The following PTPRN2 variants were observed in gnomAD, a reference collection of about 807,000 sequenced individuals.
PTPRN2 encodes the protein protein tyrosine phosphatase receptor type N2, also known as receptor-type tyrosine-protein phosphatase N2.
Under a neutral mutation model 118.8 loss-of-function variants are expected in PTPRN2, and 74 were observed. The ratio of observed to expected loss-of-function variants is 0.62; its 90% CI spans 0.52 to 0.76. The LOEUF (loss-of-function observed/expected upper bound fraction) is 0.76. Ranked by LOEUF, PTPRN2 falls within the 30% of genes least tolerant of loss-of-function variation. PTPRN2 has a pLI of 0.00. For synonymous variants in PTPRN2, 641 were observed against 608.0 expected (o/e 1.05, Z -0.80); for missense variants, 1,481 against 1,394.4 (o/e 1.06, Z -0.99).
At chr7:158,276,691 C>G in intron 3 of PTPRN2, among the ~76,000 whole-genome samples, 1 of 152,250 alleles carries the variant, frequency 6.6e-6, no homozygotes, top group East Asian at 1.9e-4. Context: ...CCACACAGCA[C>G]TGTGCCAGGG....
intron 2 of PTPRN2, among the ~76,000 whole-genome samples, chr7:158,415,157 G>C (rs1814551885): frequency 6.6e-6 from 1 of 152,124 alleles, no homozygotes; most frequent in African/African-American, 2.4e-5. Context: ...CCTACCAAGA[G>C]GCCAGAAACC....
Position 157,591,643 on chromosome 7 carries a change from T to C in PTPRN2, c.2496+3595A>G, listed in dbSNP as rs1800992363. Reference sequence around the variant, plus strand: ...GGGCAAAGAGAACCCTAACTTTGAATTTTTAAGAATGTCAATCTTGGGGCT... The same window carrying C: ...GGGCAAAGAGAACCCTAACTTTGAACTTTTAAGAATGTCAATCTTGGGGCT... On this transcript the variant is annotated intron_variant, in intron 17 of 22. Coordinates refer to ENST00000389418, the MANE Select transcript of PTPRN2 (RefSeq NM_002847.5). The surrounding 1 kb of genome is among the most constrained non-coding windows in gnomAD (Gnocchi z 4.4). 6.6e-6 allele frequency among the ~76,000 whole-genome samples: 1 copy of C among 152,270 alleles called. No individual in the cohort carries two copies. The highest frequency in any genetic ancestry group is 1.5e-5 in the Non-Finnish European group (1 of 68,044).
At chr7:158,206,139 G>T (rs1210224494) in intron 3 of PTPRN2, among the ~76,000 whole-genome samples, 1 of 152,138 alleles carries the variant, frequency 6.6e-6, no homozygotes, top group Non-Finnish European at 1.5e-5. Context: ...TCAACCCTAG[G>T]CAGCACAGCT....
chr7:158,149,571 G>A (rs1485819125), intron 6 of PTPRN2, among the ~76,000 whole-genome samples: 1 of 152,146 alleles, frequency 6.6e-6, no homozygotes, highest in Admixed American at 6.5e-5. Flanking sequence ...TGGGGTCCGA[G>A]GTGGGTGGAT....
At chr7:157,567,438 C>T (rs1200573571) in intron 21 of PTPRN2, among the ~76,000 whole-genome samples, 1 of 151,884 alleles carries the variant, frequency 6.6e-6, no homozygotes, top group Admixed American at 6.6e-5. Flanking sequence ...TGGGCTGCAG[C>T]CCTCCCCTCT....
chr7:158,126,710 G>A (rs886665170), intron 9 of PTPRN2, among the ~76,000 whole-genome samples: 11 of 150,704 alleles, frequency 7.3e-5, no homozygotes, highest in Non-Finnish European at 1.0e-4. Flanking sequence ...ACCAGCCCCC[G>A]GAGAGCGGGC....
At chr7:157,751,206 C>T (rs1040723759) in intron 12 of PTPRN2, among the ~76,000 whole-genome samples, 2 of 152,122 alleles carry the variant, frequency 1.3e-5, no homozygotes, top group Non-Finnish European at 2.9e-5. Flanking sequence ...GACATGCTGA[C>T]ATGTGAAGGG....
At chr7:157,930,050 C>T (rs1009809958) in intron 11 of PTPRN2, among the ~76,000 whole-genome samples, 5 of 152,158 alleles carry the variant, frequency 3.3e-5, no homozygotes, top group Non-Finnish European at 5.9e-5. Flanking sequence ...ATCATGCCAT[C>T]GTGCACACTG....
intron 11 of PTPRN2, among the ~76,000 whole-genome samples, chr7:157,939,172 C>T (rs565054767): frequency 1.2e-4 from 18 of 152,192 alleles, no homozygotes; most frequent in African/African-American, 1.7e-4. Context: ...GTTTCCAGCA[C>T]GCAAATTCTG....
intron 5 of PTPRN2, among the ~76,000 whole-genome samples, chr7:158,173,630 G>GGT (rs1293723287): frequency 6.6e-6 from 1 of 152,176 alleles, no homozygotes; most frequent in African/African-American, 2.4e-5. Flanking sequence ...TCACCAGGCT[G>GGT]GAATTTCCCA....
chr7:158,004,268 C>T (rs961099736), intron 11 of PTPRN2, among the ~76,000 whole-genome samples: 2 of 152,156 alleles, frequency 1.3e-5, no homozygotes, highest in Middle Eastern at 3.2e-3. Context: ...GAGAGGGAAC[C>T]GCCCACTTCC....
intron 2 of PTPRN2, among the ~76,000 whole-genome samples, chr7:158,455,704 C>A (rs111911569): frequency 9.1e-6 from 1 of 109,394 alleles, no homozygotes; most frequent in African/African-American, 3.6e-5. Context: ...GCAGAGAAGA[C>A]AACGGCATGG....
chr7:158,222,611 A>G (rs972747176), intron 3 of PTPRN2, among the ~76,000 whole-genome samples: 5 of 152,230 alleles, frequency 3.3e-5, no homozygotes, highest in Admixed American at 1.3e-4. Flanking sequence ...TTGAAAAGCT[A>G]TAAGGGACTA....
intron 11 of PTPRN2, among the ~76,000 whole-genome samples, chr7:157,982,566 A>T (rs1271296658): frequency 7.7e-6 from 1 of 130,298 alleles, no homozygotes; most frequent in Non-Finnish European, 1.6e-5. Flanking sequence ...GTCCCCCCAA[A>T]CCCTGAGTCA....
chr7:158,423,011 T>A (rs977216448), intron 2 of PTPRN2, among the ~76,000 whole-genome samples: 32 of 152,148 alleles, frequency 2.1e-4, no homozygotes, highest in Non-Finnish European at 1.2e-4. Flanking sequence ...GTTTCCCAGA[T>A]AGGAACCATG....
chr7:158,282,915 C>T (rs1360755495), intron 3 of PTPRN2, among the ~76,000 whole-genome samples: 1 of 149,288 alleles, frequency 6.7e-6, no homozygotes, highest in Non-Finnish European at 1.5e-5. Context: ...TGCTCCCACA[C>T]AGCAGCGGGA....
At chr7:157,776,836 CTTCCTCCTCCCT>C (rs1308297651) in intron 12 of PTPRN2, among the ~76,000 whole-genome samples, 7 of 62,604 alleles carry the variant, frequency 1.1e-4, no homozygotes, top group African/African-American at 2.5e-4. Flanking sequence ...TCCTCCCTCT[CTTCCTCCTCCCT>C]CTCCTCCTCC....
rs1049132507 is a variant in PTPRN2, at chr7:157,583,605, C to T, written c.2497-5465G>A. Among the ~76,000 whole-genome samples, 4 of 152,140 alleles carry T rather than the reference C, an allele frequency of 2.6e-5. No homozygotes were observed. Among genetic ancestry groups the T allele is most frequent in the South Asian group, 2.1e-4 (1 of 4,834 alleles). On this transcript the variant is annotated intron_variant, in intron 17 of 22. Coordinates refer to ENST00000389418, the MANE Select transcript of PTPRN2 (RefSeq NM_002847.5). The surrounding 1 kb of genome is among the most constrained non-coding windows in gnomAD (Gnocchi z 5.5). ...CATTTACAATTAAAAACAACTCGAC[C>T]GGGCACAGGGGCTCGCACCTCTAAT... is the stretch of plus-strand genomic sequence containing the variant.
chr7:158,178,853 G>A (rs115766253), intron 5 of PTPRN2, among the ~76,000 whole-genome samples: 8,653 of 152,008 alleles, frequency 0.057, 335 homozygotes, highest in Non-Finnish European at 0.087. Flanking sequence ...TGCCTCGGCC[G>A]CCCAAAGTGC....
Sources: gnomAD v4.1 joint callset for allele counts (sites outside exome capture counted in the v4.1 genomes callset) on GRCh38, gnomAD v4.1.1 for gene constraint, Gnocchi (gnomAD v3.1) non-coding constraint, MANE v1.5 for transcripts, NCBI Gene and HGNC (gene_info 2026-07-23, HGNC 2026-07-21) for gene names.